The following THSD7B variants were observed in gnomAD, a reference collection of about 807,000 sequenced individuals.
THSD7B encodes thrombospondin type 1 domain containing 7B, also known as thrombospondin type-1 domain-containing protein 7B.
THSD7B carries 138 observed loss-of-function variants against 213.6 expected under a neutral mutation model. That is an observed-to-expected ratio of 0.65 (90% confidence interval 0.56 to 0.74). The LOEUF (loss-of-function observed/expected upper bound fraction) is 0.74, where lower values mean the gene tolerates loss of function less well. Among genes scored for constraint, THSD7B ranks in the 30% least tolerant of loss-of-function variants. The probability of loss-of-function intolerance (pLI) is 0.00; values close to 1 mark genes in which losing one functional copy is unlikely to be tolerated. For missense variants in THSD7B, 1,931 were observed against 1,991.5 expected (o/e 0.97, Z 0.58); for synonymous variants, 742 against 687.0 (o/e 1.08, Z -1.25).
intron 5 of THSD7B, among the ~76,000 whole-genome samples, chr2:137,119,243 A>G (rs937344075): frequency 5.3e-5 from 8 of 152,196 alleles, no homozygotes; most frequent in African/African-American, 1.9e-4. Context: ...TGATTTGATG[A>G]GTAAAATTAC....
At chr2:137,206,046 C>CT (rs35864577) in intron 7 of THSD7B, among the ~76,000 whole-genome samples, 49,307 of 147,942 alleles carry the variant, frequency 0.33, 8,796 homozygotes, top group Middle Eastern at 0.48. Context: ...AGTGATTATC[C>CT]TTTTTTTTTT....
At chr2:137,358,464 G>T (rs1039537684) in intron 12 of THSD7B, among the ~76,000 whole-genome samples, 5 of 152,050 alleles carry the variant, frequency 3.3e-5, no homozygotes, top group African/African-American at 1.2e-4. Context: ...CACCTACTCA[G>T]AGGACCGAAA....
Position 136,860,771 on chromosome 2 carries a change from G to A in THSD7B, c.-35-21373G>A, listed in dbSNP as rs566404023. On this transcript the variant is annotated intron_variant, in intron 1 of 27. Transcript: ENST00000409968. ...CCTGCTAAAATGTAAGTCACATGAC[G>A]TCACTGTTCTGTTCAAAATACTCCA... 7.9e-5 allele frequency among the ~76,000 whole-genome samples: 12 copies of A among 152,262 alleles called. No homozygotes were observed. The South Asian group carries it at 1.7e-3, about 21-fold the overall frequency.
At chr2:137,303,381 A>T (rs969915607) in intron 12 of THSD7B, among the ~76,000 whole-genome samples, 1 of 152,152 alleles carries the variant, frequency 6.6e-6, no homozygotes, top group Non-Finnish European at 1.5e-5. Context: ...TAATATTAAT[A>T]ATGCAACTGT....
chr2:137,327,261 T>G (rs1480676601), intron 12 of THSD7B, among the ~76,000 whole-genome samples: 1 of 152,240 alleles, frequency 6.6e-6, no homozygotes, highest in African/African-American at 2.4e-5. Context: ...CTGTGACATC[T>G]GCTGAGCATT....
chr2:137,205,340 C>T (rs1453708450), intron 7 of THSD7B, among the ~76,000 whole-genome samples: 2 of 151,902 alleles, frequency 1.3e-5, no homozygotes, highest in East Asian at 3.9e-4. Context: ...GATTCTCCTA[C>T]CACAAATGAA....
intron 17 of THSD7B, among the ~76,000 whole-genome samples, chr2:137,575,742 A>ATATATATATATATT (rs1235744133): frequency 1.6e-4 from 23 of 147,412 alleles, no homozygotes; most frequent in East Asian, 1.2e-3. Flanking sequence ...ATATATATAT[A>ATATATATATATATT]TTTTTACTTT....
chr2:137,299,937 T>A (rs1363296553), intron 12 of THSD7B, among the ~76,000 whole-genome samples: 1 of 152,130 alleles, frequency 6.6e-6, no homozygotes. Flanking sequence ...ATCTTATACA[T>A]CTGTTCTCTC....
Position 137,575,073 on chromosome 2 carries a change from C to A in THSD7B, c.3423+2517C>A, listed in dbSNP as rs372284832. Among the ~76,000 whole-genome samples, 19 of 152,134 alleles carry A rather than the reference C, an allele frequency of 1.2e-4. 1 individual carries two copies. The South Asian group carries it at 3.7e-3, about 30-fold the overall frequency. Reference sequence around the variant, plus strand: ...TCCTCCAAAGATACTTCTTTAGAGACAAACACATAAATAAGCTGAACATGT... The same window carrying A: ...TCCTCCAAAGATACTTCTTTAGAGAAAAACACATAAATAAGCTGAACATGT... On this transcript the variant is annotated intron_variant, in intron 17 of 27. Coordinates refer to ENST00000409968, the MANE Select transcript of THSD7B (RefSeq NM_001316349.2).
intron 2 of THSD7B, among the ~76,000 whole-genome samples, chr2:136,950,517 G>A (rs539897586): frequency 6.6e-6 from 1 of 152,154 alleles, no homozygotes; most frequent in Non-Finnish European, 1.5e-5. Flanking sequence ...TCAGCTCTCA[G>A]ACTTTCTTTT....
chr2:137,641,593 G>A (rs1682938381), intron 20 of THSD7B, among the ~76,000 whole-genome samples: 1 of 152,236 alleles, frequency 6.6e-6, no homozygotes, highest in African/African-American at 2.4e-5. Context: ...AAGAGAGAGT[G>A]AGAGTGAAAG....
intron 12 of THSD7B, among the ~76,000 whole-genome samples, chr2:137,318,317 T>C (rs914142224): frequency 4.6e-5 from 7 of 152,138 alleles, no homozygotes; most frequent in Non-Finnish European, 1.5e-5. Context: ...AACCACAGGA[T>C]GATGGGAACT....
chr2:136,936,395 C>T (rs1684729218), intron 2 of THSD7B, among the ~76,000 whole-genome samples: 1 of 152,034 alleles, frequency 6.6e-6, no homozygotes, highest in East Asian at 1.9e-4. Context: ...GCACAATTCA[C>T]AATTGCAAAA....
chr2:137,443,047 T>G (rs993664319), intron 14 of THSD7B, among the ~76,000 whole-genome samples: 2 of 152,126 alleles, frequency 1.3e-5, no homozygotes, highest in African/African-American at 4.8e-5. Flanking sequence ...ATGGGAAAAA[T>G]AGCTAGTGTA....
At position 137,558,428 on chromosome 2, in the gene THSD7B, T is replaced by C. The variant is rs371211112; in HGVS notation, c.3139-4793T>C. Among the ~76,000 whole-genome samples the C allele has an allele frequency of 2.2e-4, 33 of 152,248 alleles. No individual in the cohort carries two copies. In the South Asian group the frequency reaches 6.8e-3, roughly 32 times the overall value. On this transcript the variant is annotated intron_variant, in intron 15 of 27. Coordinates refer to ENST00000409968, the MANE Select transcript of THSD7B (RefSeq NM_001316349.2). ...TTCAACATATGCAAATCAATAAACA[T>C]AATCCAGCATATAAACAGAACCAAA...
At chr2:136,787,788 G>A (rs533006034) in intron 1 of THSD7B, among the ~76,000 whole-genome samples, 11 of 152,094 alleles carry the variant, frequency 7.2e-5, no homozygotes, top group African/African-American at 2.7e-4. Flanking sequence ...AATATGAGAT[G>A]ATATCATGAG....
At chr2:137,602,254 T>A (rs1430134380) in intron 17 of THSD7B, among the ~76,000 whole-genome samples, 1 of 152,016 alleles carries the variant, frequency 6.6e-6, no homozygotes, top group African/African-American at 2.4e-5. Context: ...CTTTCTCGTT[T>A]TTTTGTTTTT....
chr2:136,896,593 T>C (rs993686288), intron 2 of THSD7B, among the ~76,000 whole-genome samples: 1 of 152,156 alleles, frequency 6.6e-6, no homozygotes, highest in African/African-American at 2.4e-5. Context: ...GATTATACTT[T>C]GGTCTTTTAT....
intron 3 of THSD7B, among the ~76,000 whole-genome samples, chr2:137,080,984 C>T (rs1687737206): frequency 6.6e-6 from 1 of 152,016 alleles, no homozygotes; most frequent in Admixed American, 6.6e-5. Context: ...AACAGTTTAG[C>T]CAGATATATT....
Sources: gnomAD v4.1 joint callset for allele counts (sites outside exome capture counted in the v4.1 genomes callset) on GRCh38, gnomAD v4.1.1 for gene constraint, MANE v1.5 for transcripts, NCBI Gene and HGNC (gene_info 2026-07-23, HGNC 2026-07-21) for gene names.